Variants in NAB1 observed in about 807,000 individuals in gnomAD.
The protein encoded by NAB1 is NGFI-A binding protein 1.
A neutral mutation model predicts 49.9 loss-of-function variants in NAB1; 25 were observed. The ratio of observed to expected loss-of-function variants is 0.50; its 90% CI spans 0.37 to 0.70. The LOEUF is 0.70. Among genes scored for constraint, NAB1 ranks in the 30% least tolerant of loss-of-function variants. The pLI, the probability that NAB1 is intolerant of heterozygous loss-of-function variation, is 0.00. For missense variants in NAB1, 489 were observed against 575.9 expected, an observed-to-expected ratio of 0.85 and a Z score of 1.54; for synonymous variants, 198 against 215.6, an observed-to-expected ratio of 0.92 and a Z score of 0.71.
chr2:190,688,984 G>A (rs1289261509), intron 9 of NAB1, among the ~76,000 whole-genome samples: 1 of 151,880 alleles, frequency 6.6e-6, no homozygotes, highest in Non-Finnish European at 1.5e-5. Context: ...GACTACAAGT[G>A]CCCGCCACTG....
In NAB1 at chr2:190,682,584, A is replaced by G. The variant is rs1695403117; in HGVS notation, c.1006-1154A>G. 6.6e-6 allele frequency among the ~76,000 whole-genome samples: 1 copy of G among 152,226 alleles called. No homozygotes were observed. The highest frequency in any genetic ancestry group is 2.4e-5 in the African/African-American group (1 of 41,462). On this transcript the variant is annotated intron_variant, in intron 6 of 9. Coordinates refer to ENST00000337386, the MANE Select transcript of NAB1 (RefSeq NM_005966.4). The surrounding 1 kb of genome is among the most constrained non-coding windows in gnomAD (Gnocchi z 4.1). ...TTAATTTCAGATAGGTCAGAGGGTT[A>G]AATTTAAAAAACAAATCAAACTTTT...
chr2:190,687,216 A>T lies in NAB1; in HGVS notation c.1274A>T (p.Asn425Ile). Residue 425 changes from asparagine (N) to isoleucine (I), a missense_variant, in exon 9 of 10, where the codon AAT becomes ATT. Asn to Ile is a moderately radical substitution (Grantham distance 149). Coordinates refer to ENST00000337386, the MANE Select transcript of NAB1 (RefSeq NM_005966.4). ...TTTTCATTAGGAGAAAGACCTTTGA[A>T]TCTCCGAATGCCTAATTTACAGAAC... ...NSDGQGERPLNLRMPNLQNRQ... is the reference protein window; with the variant it reads ...NSDGQGERPLILRMPNLQNRQ... The T allele has an allele frequency of 6.3e-7, 1 of 1,581,420 alleles. No individual in the cohort carries two copies. The highest frequency in any genetic ancestry group is 8.5e-7 in the Non-Finnish European group (1 of 1,170,084).
At position 190,680,473 on chromosome 2, in the gene NAB1, G is replaced by T. The variant is rs1016641693; in HGVS notation, c.1006-3265G>T. Among the ~76,000 whole-genome samples the T allele has an allele frequency of 2.6e-5, 4 of 152,160 alleles. No homozygotes were observed. The highest frequency in any genetic ancestry group is 9.7e-5 in the African/African-American group (4 of 41,436). On this transcript the variant is annotated intron_variant, in intron 6 of 9. Coordinates refer to ENST00000337386, the MANE Select transcript of NAB1 (RefSeq NM_005966.4). The surrounding 1 kb of genome is among the most constrained non-coding windows in gnomAD (Gnocchi z 5.2). ...TCTGGGATGCCTGCTCTGCCACAGC[G>T]CCCTCTGCTGTGCTCTGGGTCTCCG...
At chr2:190,672,273 A>G (rs1408395568) in intron 5 of NAB1, among the ~76,000 whole-genome samples, 1 of 152,172 alleles carries the variant, frequency 6.6e-6, no homozygotes, top group African/African-American at 2.4e-5. Flanking sequence ...TAAAACCACA[A>G]TAAATAACAT....
At chr2:190,683,715 A>G (rs150828744) in intron 6 of NAB1, 23 bp from the exon 7 acceptor site, 2 of 1,547,614 alleles carry the variant, frequency 1.3e-6, no homozygotes, top group Non-Finnish European at 1.8e-6. Flanking sequence ...CTAAATATAA[A>G]GGACTTCTTA....
rs1695921316 is a variant in NAB1, at chr2:190,691,165, A to G, written c.*832A>G. The stretch of plus-strand genomic sequence containing the variant: ...TAAAAGCTTTGACTTAAACATTGAT[A>G]TTTCAGAATGTGTTAAATAGATTAA... On this transcript the variant is annotated 3_prime_UTR_variant, in exon 10 of 10. Transcript: ENST00000337386. The surrounding 1 kb of genome is among the most constrained non-coding windows in gnomAD (Gnocchi z 4.1). 6.6e-6 allele frequency: 1 copy of G among 152,626 alleles called. No homozygotes were observed. The highest frequency in any genetic ancestry group is 1.5e-5 in the Non-Finnish European group (1 of 67,994). The allele number at this position is 152,626 out of a possible 1,614,324, so 9.5% of individuals were successfully genotyped here.
At chr2:190,672,647 AT>A (rs974727301) in intron 5 of NAB1, among the ~76,000 whole-genome samples, 2 of 151,168 alleles carry the variant, frequency 1.3e-5, no homozygotes, top group Non-Finnish European at 3.0e-5. Context: ...ATCCTCCTTG[AT>A]TTTTTTTTCA....
rs1695462170 is a variant in NAB1 at position 190,683,575 on chromosome 2, G to A, written c.1006-163G>A. 2.0e-5 allele frequency among the ~76,000 whole-genome samples: 3 copies of A among 151,990 alleles called. No individual in the cohort carries two copies. In the South Asian group the frequency reaches 6.2e-4, roughly 32 times the overall value. Reference sequence around the variant, plus strand: ...TGAGGTTACAGCTGTAGAAAATAATGTATGTTTCATAAAAGGCTGAAATGA... The same window carrying A: ...TGAGGTTACAGCTGTAGAAAATAATATATGTTTCATAAAAGGCTGAAATGA... On this transcript the variant is annotated intron_variant, in intron 6 of 9. Coordinates refer to ENST00000337386, the MANE Select transcript of NAB1 (RefSeq NM_005966.4).
In NAB1 at chr2:190,680,048, T is replaced by C. The variant is rs1019046112; in HGVS notation, c.1006-3690T>C. 2.6e-5 allele frequency among the ~76,000 whole-genome samples: 4 copies of C among 152,214 alleles called. No homozygotes were observed. Among genetic ancestry groups the C allele is most frequent in the African/African-American group, 4.8e-5 (2 of 41,462 alleles). ...GAGAATGTCATAACCAAACTCTCAG[T>C]TGCCTTATTTCTGCGGCACCTGCCA... On this transcript the variant is annotated intron_variant, in intron 6 of 9. Transcript: ENST00000337386. The surrounding 1 kb of genome is among the most constrained non-coding windows in gnomAD (Gnocchi z 5.2).
At chr2:190,683,295 T>C (rs1333847521) in intron 6 of NAB1, among the ~76,000 whole-genome samples, 1 of 129,654 alleles carries the variant, frequency 7.7e-6, no homozygotes, top group African/African-American at 3.1e-5. Flanking sequence ...CACTCCCAGC[T>C]AATTTTTTTT....
In NAB1 at chr2:190,685,797, GAT is replaced by G; in HGVS notation, c.1258+161_1258+162del. ...TTTGAATTCTTCATTTTTCTAAAAAGATAATTTATCCTGCAAATTTTAATTTG... is the reference window on the plus strand; with the variant it reads ...TTTGAATTCTTCATTTTTCTAAAAAGAATTTATCCTGCAAATTTTAATTTG... On this transcript the variant is annotated intron_variant, in intron 8 of 9. Transcript: ENST00000337386. This position sits in a 1 kb window ranked among gnomAD's most constrained non-coding sequence, Gnocchi z 4.5. 1.5e-6 allele frequency: 1 copy of G among 650,876 alleles called. No homozygotes were observed. Among genetic ancestry groups the G allele is most frequent in the Non-Finnish European group, 2.2e-6 (1 of 444,680 alleles). The allele number at this position is 650,876 out of a possible 1,614,324, so 40.3% of individuals were successfully genotyped here. A position where few individuals can be genotyped will look rare whatever the true frequency, so the allele number is the denominator to read the frequency against.
At position 190,675,254 on chromosome 2, in the gene NAB1, C is replaced by G. The variant is rs1379088249; in HGVS notation, c.1005+2102C>G. ...TCTCACCATTGGCCCTAAGTGTGAT[C>G]ATGATTCAGGCTGCTCACATTTAAG... On this transcript the variant is annotated intron_variant, in intron 6 of 9. Transcript: ENST00000337386. This position sits in a 1 kb window ranked among gnomAD's most constrained non-coding sequence, Gnocchi z 5.2. Among the ~76,000 whole-genome samples, 1 of 152,218 alleles carries G rather than the reference C, an allele frequency of 6.6e-6. No homozygotes were observed.
chr2:190,685,825 T>C lies in NAB1; in HGVS notation c.1258+187T>C. Reference sequence around the variant, plus strand: ...AATTTATCCTGCAAATTTTAATTTGTAAATTTTTTAATCTTTAAGCAGTTG... The same window carrying C: ...AATTTATCCTGCAAATTTTAATTTGCAAATTTTTTAATCTTTAAGCAGTTG... On this transcript the variant is annotated intron_variant, in intron 8 of 9. Coordinates refer to ENST00000337386, the MANE Select transcript of NAB1 (RefSeq NM_005966.4). This position sits in a 1 kb window ranked among gnomAD's most constrained non-coding sequence, Gnocchi z 4.5. 1.9e-6 allele frequency: 1 copy of C among 529,946 alleles called. No individual in the cohort carries two copies. Among genetic ancestry groups the C allele is most frequent in the Non-Finnish European group, 2.9e-6 (1 of 342,744 alleles). The allele number at this position is 529,946 out of a possible 1,614,324, so 32.8% of individuals were successfully genotyped here. A position where few individuals can be genotyped will look rare whatever the true frequency, so the allele number is the denominator to read the frequency against.
rs1002020965 is a variant in NAB1 at position 190,651,252 on chromosome 2, C to T, written c.-197+1270C>T. Among the ~76,000 whole-genome samples the T allele has an allele frequency of 1.3e-5, 2 of 148,590 alleles. No individual in the cohort carries two copies. Among genetic ancestry groups the T allele is most frequent in the Non-Finnish European group, 3.0e-5 (2 of 66,226 alleles). On this transcript the variant is annotated intron_variant, in intron 2 of 9. Transcript: ENST00000337386. This position sits in a 1 kb window ranked among gnomAD's most constrained non-coding sequence, Gnocchi z 4.3. ...CTATCTAAAAAATACTTTATCTCAT[C>T]TTATTTCAAAATTATTCAGTTGAGT... is the stretch of plus-strand genomic sequence containing the variant.
chr2:190,683,938 C>T (rs560047077), intron 7 of NAB1, 111 bp downstream of exon 7: 25 of 836,872 alleles, frequency 3.0e-5, no homozygotes, highest in East Asian at 2.7e-5. Context: ...TTTTTATTTC[C>T]GTTTGTTTTT....
rs1162590568 is a variant in NAB1 at position 190,649,182 on chromosome 2, C to G, written c.-512C>G. ...GGTGGGCGGGAAGAAGCGGCGGGCC[C>G]GAGGTGGGGGGGAGCAGAGAGAGCG... On this transcript the variant is annotated 5_prime_UTR_variant, in exon 1 of 10. Transcript: ENST00000337386. This position sits in a 1 kb window ranked among gnomAD's most constrained non-coding sequence, Gnocchi z 6.1. 1 of 148,972 alleles carries G rather than the reference C, an allele frequency of 6.7e-6. No homozygotes were observed. The highest frequency in any genetic ancestry group is 2.0e-4 in the South Asian group (1 of 5,104). The allele number at this position is 148,972 out of a possible 1,614,324, so 9.2% of individuals were successfully genotyped here. A position where few individuals can be genotyped will look rare whatever the true frequency, so the allele number is the denominator to read the frequency against.
Position 190,657,558 on chromosome 2 carries a change from C to T in NAB1, c.-20+1405C>T, listed in dbSNP as rs1162313590. On this transcript the variant is annotated intron_variant, in intron 3 of 9. Transcript: ENST00000337386. The surrounding 1 kb of genome is among the most constrained non-coding windows in gnomAD (Gnocchi z 4.4). ...TAGAAGCTACTGGGCCCTAATTCAG[C>T]CTTTGTTGTCTTTTGGGAAGTCATC... is the stretch of plus-strand genomic sequence containing the variant. Among the ~76,000 whole-genome samples, 2 of 152,190 alleles carry T rather than the reference C, an allele frequency of 1.3e-5. No individual in the cohort carries two copies. The highest frequency in any genetic ancestry group is 4.8e-5 in the African/African-American group (2 of 41,448).
upstream of NAB1, chr2:190,649,037 G>T (rs1331001615): frequency 1.4e-5 from 2 of 146,434 alleles, no homozygotes; most frequent in African/African-American, 4.9e-5. The surrounding 1 kb of genome is among the most constrained non-coding windows in gnomAD (Gnocchi z 6.1). Flanking sequence ...GCGCGGGGAA[G>T]GCAGGGGAGG....
At chr2:190,672,317 A>G (rs918038351) in intron 5 of NAB1, among the ~76,000 whole-genome samples, 21 of 152,178 alleles carry the variant, frequency 1.4e-4, no homozygotes, top group Admixed American at 1.0e-3. Flanking sequence ...TCTGAGATGT[A>G]CTTTTTCACA....
Sources: gnomAD v4.1 joint callset for allele counts (sites outside exome capture counted in the v4.1 genomes callset) on GRCh38, gnomAD v4.1.1 for gene constraint, Gnocchi (gnomAD v3.1) non-coding constraint, MANE v1.5 for transcripts, NCBI Gene and HGNC (gene_info 2026-07-23, HGNC 2026-07-21) for gene names.